The following ZPR1 variants were observed in gnomAD, a reference collection of about 807,000 sequenced individuals.
ZPR1 encodes ZPR1 zinc finger, also known as zinc finger protein ZPR1.
A neutral mutation model predicts 59.6 loss-of-function variants in ZPR1; 37 were observed. The observed-to-expected ratio is 0.62, with a 90% CI of 0.48 to 0.82. The LOEUF (loss-of-function observed/expected upper bound fraction) is 0.82. Ranked by LOEUF, ZPR1 falls within the 40% of genes least tolerant of loss-of-function variation. The pLI is 0.00. For missense variants in ZPR1, 527 were observed against 579.9 expected, an observed-to-expected ratio of 0.91 and a Z score of 0.94; for synonymous variants, 191 against 215.2, an observed-to-expected ratio of 0.89 and a Z score of 0.99.
rs1940832217 is a variant in ZPR1, at chr11:116,783,021, A to C, written c.990T>G (p.Thr330=). 2.5e-6 allele frequency: 4 copies of C among 1,613,802 alleles called. No individual in the cohort carries two copies. Among genetic ancestry groups the C allele is most frequent in the Non-Finnish European group, 3.4e-6 (4 of 1,179,756 alleles). The change falls in exon 11 of 14, where the codon ACT becomes ACG. Residue 330 remains threonine (T), a synonymous_variant. Coordinates refer to ENST00000227322, the MANE Select transcript of ZPR1 (RefSeq NM_003904.5). ...DMTRDLLKSE[T]CSVEIPELEF... is the part of the protein sequence containing the mutation. ...CTAGCTCTGGGATTTCCACACTGCAAGTCTCAGACTGTGAAATGAGAGGTC... is the reference window on the plus strand; with the variant it reads ...CTAGCTCTGGGATTTCCACACTGCACGTCTCAGACTGTGAAATGAGAGGTC...
At position 116,776,994 on chromosome 11, in the gene ZPR1, A is replaced by G. The variant is rs1268804159; in HGVS notation, c.*1931T>C. On this transcript the variant is annotated 3_prime_UTR_variant, in exon 14 of 14. Coordinates refer to ENST00000227322, the MANE Select transcript of ZPR1 (RefSeq NM_003904.5). ...AGTCATTTGCTAACCTGAGTCTCCA[A>G]ACACCTTACTCTCGCCCTCACTTAC... 1.3e-5 allele frequency: 2 copies of G among 152,204 alleles called. No individual in the cohort carries two copies. Among genetic ancestry groups the G allele is most frequent in the African/African-American group, 4.8e-5 (2 of 41,442 alleles). The allele number at this position is 152,204 out of a possible 1,614,324, so 9.4% of individuals were successfully genotyped here. A position where few individuals can be genotyped will look rare whatever the true frequency, so the allele number is the denominator to read the frequency against.
chr11:116,782,439 A>C (rs1415914259), intron 11 of ZPR1, among the ~76,000 whole-genome samples, 195 bp from the exon 12 acceptor site: 2 of 152,226 alleles, frequency 1.3e-5, no homozygotes, highest in African/African-American at 4.8e-5. Flanking sequence ...CAAAACTGGC[A>C]ATGTAAAACA....
Position 116,778,992 on chromosome 11 carries a change from T to A in ZPR1, c.1313A>T (p.Asn438Ile), listed in dbSNP as rs749060892. The change falls in exon 14 of 14, where the codon AAT becomes ATT. Residue 438 changes from asparagine (N) to isoleucine (I), a missense_variant. Transcript: ENST00000227322. The part of the protein sequence containing the change: ...VERYKRTFDQ[N>I]EELGLNDMKT... ...CATGTCATTGAGCCCTAGCTCCTCA[T>A]TTTGGTCAAAGGTGCGCTTGTAACG... is the stretch of plus-strand genomic sequence containing the variant. 7.4e-6 allele frequency: 12 copies of A among 1,614,188 alleles called. 1 individual carries two copies. In the South Asian group the frequency reaches 1.3e-4, roughly 18 times the overall value.
Position 116,779,808 on chromosome 11 carries a change from A to G in ZPR1, c.1209T>C (p.Phe403=), listed in dbSNP as rs780691598. The G allele has an allele frequency of 6.3e-7, 1 of 1,593,712 alleles. No individual in the cohort carries two copies. The highest frequency in any genetic ancestry group is 8.6e-7 in the Non-Finnish European group (1 of 1,168,064). ...TGTTTCCTGCTGGATCATCCATAATAAAGTGGGCCTTCATGTTACCTTCGA... is the reference window on the plus strand; with the variant it reads ...TGTTTCCTGCTGGATCATCCATAATGAAGTGGGCCTTCATGTTACCTTCGA... ...QIIEGNMKAH[F]IMDDPAGNSY... The change falls in exon 13 of 14, where the codon TTT becomes TTC. Residue 403 remains phenylalanine (F), a synonymous_variant. Transcript: ENST00000227322.
chr11:116,784,504 G>GA (rs764415867), intron 8 of ZPR1, 56 bp from the exon 9 acceptor site: 2 of 1,525,066 alleles, frequency 1.3e-6, no homozygotes, highest in South Asian at 1.1e-5. Context: ...ACCATCTGGG[G>GA]AAAAACAAAG....
At chr11:116,785,022 A>T in intron 7 of ZPR1, 77 bp downstream of exon 7, 1 of 1,608,276 alleles carries the variant, frequency 6.2e-7, no homozygotes, top group South Asian at 1.1e-5. Flanking sequence ...GTTGGTGACA[A>T]GGAAGACAGA....
At chr11:116,784,990 T>C (rs1034735988) in intron 7 of ZPR1, 69 bp from the exon 8 acceptor site, 201 of 1,606,932 alleles carry the variant, frequency 1.3e-4, no homozygotes, top group Non-Finnish European at 1.1e-4. Flanking sequence ...GACACTCAGT[T>C]GGTATGCTAG....
In ZPR1 at chr11:116,778,133, A is replaced by C. The variant is rs1442473335; in HGVS notation, c.*792T>G. 6.6e-6 allele frequency: 1 copy of C among 152,210 alleles called. No homozygotes were observed. The highest frequency in any genetic ancestry group is 1.5e-5 in the Non-Finnish European group (1 of 68,068). The allele number at this position is 152,210 out of a possible 1,614,324, so 9.4% of individuals were successfully genotyped here. On this transcript the variant is annotated 3_prime_UTR_variant, in exon 14 of 14. Transcript: ENST00000227322. ...TTCCCTACTCCCCATTTCCTTGCAC[A>C]ACCCAGCCCCATTCCCTGCTTTACA...
chr11:116,787,751 G>A, intron 1 of ZPR1, 69 bp downstream of exon 1: 1 of 1,526,694 alleles, frequency 6.6e-7, no homozygotes, highest in Non-Finnish European at 8.8e-7. Flanking sequence ...ACCTGGCTGG[G>A]TCTGACCCCC....
Position 116,785,092 on chromosome 11 carries a change from GACTC to G in ZPR1, c.753+3_753+6del. The G allele has an allele frequency of 6.2e-7, 1 of 1,614,100 alleles. No homozygotes were observed. On this transcript the variant is annotated splice_donor_5th_base_variant and intron_variant, in intron 7 of 13. Transcript: ENST00000227322. ...CTCCTTCCTCACCAGTAGCCAATGT[GACTC>G]ACTTCATTTCTGAGATCTTCCTCTT... is the stretch of plus-strand genomic sequence containing the variant.
chr11:116,783,937 C>T (rs1441844890), intron 9 of ZPR1, among the ~76,000 whole-genome samples: 3 of 151,370 alleles, frequency 2.0e-5, no homozygotes, highest in Non-Finnish European at 4.4e-5. Context: ...TCATCCACTG[C>T]ATCCAATGTG....
chr11:116,780,064 A>C (rs569001821), intron 12 of ZPR1, among the ~76,000 whole-genome samples: 3 of 151,458 alleles, frequency 2.0e-5, no homozygotes, highest in Admixed American at 6.5e-5. Context: ...ATAAATAAAA[A>C]AAGAAATGAA....
Position 116,787,864 on chromosome 11 carries a change from G to A in ZPR1, c.127C>T (p.Gln43Ter). The change falls in exon 1 of 14, where the codon CAG (glutamine) becomes TAG (stop). Residue 43 changes from glutamine (Q) to a stop codon, truncating the protein, a stop_gained. Coordinates refer to ENST00000227322, the MANE Select transcript of ZPR1 (RefSeq NM_003904.5). LOFTEE classifies it high-confidence loss of function. Reference sequence around the variant, plus strand: ...CATAGCGACTCGATCTCGGTGGGCTGCTGCTCCTCGTCCTCGGCGCTGATG... The same window carrying A: ...CATAGCGACTCGATCTCGGTGGGCTACTGCTCCTCGTCCTCGGCGCTGATG... The part of the protein sequence containing the change: ...RPISAEDEEQ[Q>*]PTEIESLCMN... The A allele has an allele frequency of 1.3e-6, 2 of 1,528,924 alleles. No individual in the cohort carries two copies. Among genetic ancestry groups the A allele is most frequent in the Non-Finnish European group, 1.8e-6 (2 of 1,138,318 alleles). 94.7% of individuals were successfully genotyped at this position (1,528,924 alleles called of 1,614,324 possible). A position where few individuals can be genotyped will look rare whatever the true frequency, so the allele number is the denominator to read the frequency against.
chr11:116,781,539 T>C (rs1940804866), intron 12 of ZPR1, among the ~76,000 whole-genome samples: 1 of 152,240 alleles, frequency 6.6e-6, no homozygotes, highest in Non-Finnish European at 1.5e-5. Flanking sequence ...AAATTATTTC[T>C]ATCCTAGAAT....
Sources: allele counts gnomAD v4.1 joint callset (sites outside exome capture counted in the v4.1 genomes callset), GRCh38; gene constraint gnomAD v4.1.1; transcripts MANE v1.5; gene names NCBI Gene and HGNC (gene_info 2026-07-23, HGNC 2026-07-21).